SORCS1: variants seen among roughly 807,000 people sequenced by gnomAD.
The protein encoded by SORCS1 is sortilin related VPS10 domain containing receptor 1.
In SORCS1, 60 loss-of-function variants were observed where a neutral mutation model predicts 146.1. That is an observed-to-expected ratio of 0.41 (90% CI 0.33 to 0.51). The LOEUF (loss-of-function observed/expected upper bound fraction) is 0.51, where lower values mean the gene tolerates loss of function less well. Ranked by LOEUF, SORCS1 falls within the 20% of genes least tolerant of loss-of-function variation. The probability of loss-of-function intolerance (pLI) is 0.21; values close to 1 mark genes in which losing one functional copy is unlikely to be tolerated. For missense variants in SORCS1, 1,352 were observed against 1,487.6 expected, an observed-to-expected ratio of 0.91 and a Z score of 1.50; for synonymous variants, 637 against 584.0, an observed-to-expected ratio of 1.09 and a Z score of -1.31.
the SORCS1 span, among the ~76,000 whole-genome samples, chr10:107,179,462 T>TA: frequency 6.6e-6 from 1 of 152,184 alleles, no homozygotes; most frequent in African/African-American, 2.4e-5. Flanking sequence ...GAATGTTATA[T>TA]AAAAAATGTA....
chr10:106,726,946 C>T (rs1264627555), intron 6 of SORCS1, among the ~76,000 whole-genome samples: 2 of 151,970 alleles, frequency 1.3e-5, no homozygotes, highest in African/African-American at 4.8e-5. Flanking sequence ...ATTAGCCGGG[C>T]GTGGTAGCGG....
intron 3 of SORCS1, among the ~76,000 whole-genome samples, chr10:106,804,831 A>G (rs1420729634): frequency 3.3e-5 from 5 of 152,268 alleles, no homozygotes; most frequent in Middle Eastern, 3.4e-3. Context: ...CCCAAAAAGA[A>G]TATCATTGTT....
intron 1 of SORCS1, among the ~76,000 whole-genome samples, chr10:107,034,812 C>T (rs1958826044): frequency 6.6e-6 from 1 of 151,762 alleles, no homozygotes; most frequent in Non-Finnish European, 1.5e-5. Context: ...CATTGACTCC[C>T]AGCCTTTTTC....
At chr10:106,661,201 A>C (rs1369905577) in intron 17 of SORCS1, among the ~76,000 whole-genome samples, 1 of 152,228 alleles carries the variant, frequency 6.6e-6, no homozygotes, top group Non-Finnish European at 1.5e-5. Flanking sequence ...AAAGAGGAAT[A>C]AATTTGGGGT....
chr10:106,916,039 T>C (rs80333370), intron 2 of SORCS1, among the ~76,000 whole-genome samples: 2,419 of 152,340 alleles, frequency 0.016, 63 homozygotes, highest in African/African-American at 0.056. Flanking sequence ...GGTCAATGTC[T>C]ACACACCTCT....
At chr10:106,870,866 C>A (rs1307382557) in intron 2 of SORCS1, among the ~76,000 whole-genome samples, 1 of 148,474 alleles carries the variant, frequency 6.7e-6, no homozygotes, top group Non-Finnish European at 1.5e-5. Flanking sequence ...AGAGCTTCTT[C>A]ACAGCAAAAA....
At chr10:106,918,453 G>A (rs1172047090) in intron 2 of SORCS1, among the ~76,000 whole-genome samples, 2 of 152,036 alleles carry the variant, frequency 1.3e-5, no homozygotes, top group Non-Finnish European at 2.9e-5. Flanking sequence ...ATGAGCCACC[G>A]TGCCTGGCTA....
At chr10:106,745,941 A>T (rs903126241) in intron 5 of SORCS1, among the ~76,000 whole-genome samples, 1 of 152,246 alleles carries the variant, frequency 6.6e-6, no homozygotes. Context: ...ATTCTTCCCA[A>T]CAATCTATAA....
chr10:106,615,831 T>C (rs527995166), intron 21 of SORCS1, among the ~76,000 whole-genome samples: 1 of 152,132 alleles, frequency 6.6e-6, no homozygotes, highest in South Asian at 2.1e-4. Flanking sequence ...TGTAAAGAAA[T>C]TGTAGAAAGA....
chr10:106,797,901 C>T (rs1400139663), intron 3 of SORCS1, among the ~76,000 whole-genome samples: 1 of 152,126 alleles, frequency 6.6e-6, no homozygotes, highest in Non-Finnish European at 1.5e-5. Flanking sequence ...TAACCGTAGG[C>T]AGAGATGGGC....
chr10:106,597,202 C>T lies in SORCS1; in HGVS notation c.3265+149G>A, dbSNP rs543885710. ...TAACGGTTCTCCATTAAGGCAGAAA[C>T]ACCAAGCAAGGGAACCTCCAAGATC... On this transcript the variant is annotated intron_variant, in intron 24 of 25. Transcript: ENST00000263054. 26 of 645,770 alleles carry T rather than the reference C, an allele frequency of 4.0e-5. No individual in the cohort carries two copies. In the East Asian group the frequency reaches 6.3e-4, roughly 16 times the overall value. 40.0% of individuals were successfully genotyped at this position (645,770 alleles called of 1,614,324 possible). A position where few individuals can be genotyped will look rare whatever the true frequency, so the allele number is the denominator to read the frequency against.
chr10:106,599,517 C>G (rs1024222355), intron 23 of SORCS1, among the ~76,000 whole-genome samples: 1 of 152,144 alleles, frequency 6.6e-6, no homozygotes, highest in South Asian at 2.1e-4. Context: ...AGGAATCAGA[C>G]AGTGGAGTTT....
At chr10:106,965,518 G>C (rs1039486013) in intron 1 of SORCS1, among the ~76,000 whole-genome samples, 4 of 152,160 alleles carry the variant, frequency 2.6e-5, no homozygotes, top group African/African-American at 9.7e-5. Flanking sequence ...CCTGAGTCCT[G>C]AACTAACTTG....
At chr10:107,023,457 C>T (rs1000362630) in intron 1 of SORCS1, among the ~76,000 whole-genome samples, 3 of 152,170 alleles carry the variant, frequency 2.0e-5, no homozygotes, top group African/African-American at 7.2e-5. Context: ...ATTTTTCATG[C>T]ACCAAATTTA....
At chr10:106,939,676 A>C (rs1173878187) in intron 2 of SORCS1, among the ~76,000 whole-genome samples, 1 of 152,326 alleles carries the variant, frequency 6.6e-6, no homozygotes, top group African/African-American at 2.4e-5. Context: ...GAAAGAAATA[A>C]AGCTGTGCTG....
chr10:106,718,981 G>C (rs140005357), intron 6 of SORCS1, among the ~76,000 whole-genome samples: 30 of 141,486 alleles, frequency 2.1e-4, no homozygotes, highest in African/African-American at 8.4e-4. Flanking sequence ...TAGACACAAA[G>C]CACTGATTAG....
chr10:106,897,227 C>T (rs1266645086), intron 2 of SORCS1, among the ~76,000 whole-genome samples: 1 of 151,916 alleles, frequency 6.6e-6, no homozygotes, highest in Non-Finnish European at 1.5e-5. Flanking sequence ...GTTGCCCAGG[C>T]TGGAGTGCAG....
At chr10:107,084,471 C>T (rs1032637356) in intron 1 of SORCS1, among the ~76,000 whole-genome samples, 2 of 151,566 alleles carry the variant, frequency 1.3e-5, no homozygotes, top group African/African-American at 4.9e-5. Context: ...TCTGTTTAAG[C>T]CACGGTATGT....
At chr10:106,715,038 A>C (rs983017824) in intron 6 of SORCS1, among the ~76,000 whole-genome samples, 3 of 152,188 alleles carry the variant, frequency 2.0e-5, no homozygotes, top group African/African-American at 7.2e-5. Flanking sequence ...GCCCGTGGTA[A>C]AGTGTTCCTG....
Sources: allele counts gnomAD v4.1 joint callset (sites outside exome capture counted in the v4.1 genomes callset), GRCh38; gene constraint gnomAD v4.1.1; transcripts MANE v1.5; gene names NCBI Gene and HGNC (gene_info 2026-07-23, HGNC 2026-07-21).